Variants in RAPGEF2 observed in about 807,000 individuals in gnomAD.
RAPGEF2 encodes Rap guanine nucleotide exchange factor 2, also known as PDZ domain containing guanine nucleotide exchange factor (GEF) 1.
A neutral mutation model predicts 186.7 loss-of-function variants in RAPGEF2; 54 were observed. The ratio of observed to expected loss-of-function variants is 0.29; its 90% confidence interval spans 0.23 to 0.36. The LOEUF (loss-of-function observed/expected upper bound fraction) is 0.36. Among genes scored for constraint, RAPGEF2 ranks in the 10% least tolerant of loss-of-function variants. The pLI is 1.00. For synonymous variants in RAPGEF2, 712 were observed against 705.9 expected (o/e 1.01, Z -0.14); for missense variants, 1,532 against 2,045.0 (o/e 0.75, Z 4.84).
At chr4:159,352,075 T>C (rs908597793) in intron 26 of RAPGEF2, among the ~76,000 whole-genome samples, 31 of 152,248 alleles carry the variant, frequency 2.0e-4, no homozygotes, top group African/African-American at 6.8e-4. Context: ...TCTATAGTAA[T>C]GATCTTGTGA....
intron 1 of RAPGEF2, among the ~76,000 whole-genome samples, chr4:159,166,330 G>A (rs1745314668): frequency 6.6e-6 from 1 of 152,070 alleles, no homozygotes. Context: ...AAAATGTAAG[G>A]AAAAGGGCAG....
intron 3 of RAPGEF2, among the ~76,000 whole-genome samples, chr4:159,198,291 TTTCTTTCTTTCTTTCTTTCTTTCTTTC>T (rs1748958788): frequency 4.0e-5 from 1 of 25,166 alleles, no homozygotes; most frequent in Non-Finnish European, 7.1e-5. Flanking sequence ...TCTTTCTTTC[TTTCTTTCTTTCTTTCTTTCTTTCTTTC>T]TTTCTTTCTT....
rs565273362 is a variant in RAPGEF2 at position 159,121,807 on chromosome 4, G to T, written c.69+17576G>T. On this transcript the variant is annotated intron_variant, in intron 1 of 29. Transcript: ENST00000691494. Reference sequence around the variant, plus strand: ...GCACTTTGGGAGGCCGAGGCGGGCGGATCACAAGGTCAGGAGTTCGAGACC... The same window carrying T: ...GCACTTTGGGAGGCCGAGGCGGGCGTATCACAAGGTCAGGAGTTCGAGACC... Among the ~76,000 whole-genome samples the T allele has an allele frequency of 6.6e-5, 10 of 151,322 alleles. 1 individual carries two copies. In the South Asian group the frequency reaches 1.9e-3, roughly 29 times the overall value.
intron 4 of RAPGEF2, among the ~76,000 whole-genome samples, chr4:159,236,065 G>A (rs1378722388): frequency 1.3e-5 from 2 of 152,168 alleles, no homozygotes; most frequent in African/African-American, 4.8e-5. Flanking sequence ...AGTAAATGAA[G>A]TAACATATTC....
chr4:159,226,382 A>G (rs1481364264), intron 4 of RAPGEF2, among the ~76,000 whole-genome samples: 1 of 152,164 alleles, frequency 6.6e-6, no homozygotes, highest in Non-Finnish European at 1.5e-5. Context: ...TTCCACCAAT[A>G]CCACATTTGT....
intron 18 of RAPGEF2, 74 bp from the exon 19 acceptor site, chr4:159,339,040 G>T: frequency 2.6e-6 from 4 of 1,517,852 alleles, no homozygotes; most frequent in Admixed American, 2.1e-5. Flanking sequence ...GCTTTTTTCT[G>T]ATTACTTTGC....
At chr4:159,185,241 C>T (rs1747441479) in intron 1 of RAPGEF2, among the ~76,000 whole-genome samples, 1 of 152,132 alleles carries the variant, frequency 6.6e-6, no homozygotes, top group Admixed American at 6.6e-5. Flanking sequence ...GTTGCAGTGA[C>T]TTAGGAAAGC....
intron 1 of RAPGEF2, among the ~76,000 whole-genome samples, chr4:159,168,701 A>G (rs761933513): frequency 6.6e-5 from 10 of 152,220 alleles, no homozygotes; most frequent in Non-Finnish European, 1.0e-4. Flanking sequence ...CTGATGATAC[A>G]TGTAGGATAC....
chr4:159,146,308 T>TA (rs965203659), intron 1 of RAPGEF2, among the ~76,000 whole-genome samples: 2 of 151,762 alleles, frequency 1.3e-5, no homozygotes, highest in Non-Finnish European at 1.5e-5. Context: ...AATTATGCCA[T>TA]AAAAAATCAG....
chr4:159,180,547 G>C (rs532507474), intron 1 of RAPGEF2, among the ~76,000 whole-genome samples: 42 of 152,114 alleles, frequency 2.8e-4, no homozygotes, highest in Admixed American at 4.6e-4. Flanking sequence ...GGCACAGACC[G>C]TTTAAAACAA....
intron 1 of RAPGEF2, among the ~76,000 whole-genome samples, chr4:159,168,241 GGTGA>G (rs1186848376): frequency 1.3e-5 from 2 of 152,094 alleles, no homozygotes; most frequent in African/African-American, 2.4e-5. Flanking sequence ...CTTAAGTCTG[GGTGA>G]GTATGTTGAA....
At position 159,166,454 on chromosome 4, in the gene RAPGEF2, A is replaced by T. The variant is rs79590979; in HGVS notation, c.70-20188A>T. Among the ~76,000 whole-genome samples, 354 of 152,312 alleles carry T rather than the reference A, an allele frequency of 2.3e-3. 1 individual carries two copies. The highest frequency in any genetic ancestry group is 8.3e-3 in the African/African-American group (344 of 41,564). On this transcript the variant is annotated intron_variant, in intron 1 of 29. Coordinates refer to ENST00000691494, the MANE Select transcript of RAPGEF2 (RefSeq NM_001394067.2). ...CTAGAGGAAATGTACTGTTTTGCAG[A>T]TAATAAGTATTGATCAGACATGCAT...
Position 159,343,121 on chromosome 4 carries a change from CA to C in RAPGEF2, c.3065del (p.Asn1022IlefsTer6). ...MAKYRNVLNSQNLQPPIIPLF... is the reference protein window; with the variant it reads ...MAKYRNVLNSXNLQPPIIPLF... ...AAAATATCGTAATGTTCTCAATAGTCAAAATCTACAACCTCCCATAATCCCT... is the reference window on the plus strand; with the variant it reads ...AAAATATCGTAATGTTCTCAATAGTCAAATCTACAACCTCCCATAATCCCT... On this transcript the variant is annotated frameshift_variant, in exon 21 of 30. Coordinates refer to ENST00000691494, the MANE Select transcript of RAPGEF2 (RefSeq NM_001394067.2). LOFTEE classifies it high-confidence loss of function. 6.2e-7 allele frequency: 1 copy of C among 1,614,090 alleles called. No homozygotes were observed. The highest frequency in any genetic ancestry group is 8.5e-7 in the Non-Finnish European group (1 of 1,179,964).
intron 7 of RAPGEF2, among the ~76,000 whole-genome samples, chr4:159,266,578 TAAAA>T (rs530774146): frequency 1.3e-5 from 2 of 150,998 alleles, no homozygotes; most frequent in South Asian, 4.2e-4. Context: ...TTTGGTTTTT[TAAAA>T]AAAAAACCTG....
intron 8 of RAPGEF2, among the ~76,000 whole-genome samples, chr4:159,312,249 CTA>C (rs1414819559): frequency 7.2e-5 from 11 of 151,990 alleles, no homozygotes; most frequent in African/African-American, 2.4e-4. Flanking sequence ...TTTCTTCACT[CTA>C]TGCTAATATT....
At chr4:159,275,632 C>T (rs1016682387) in intron 7 of RAPGEF2, among the ~76,000 whole-genome samples, 5 of 151,996 alleles carry the variant, frequency 3.3e-5, no homozygotes, top group South Asian at 2.1e-4. Context: ...TGAGAATATA[C>T]GCTCTATCTC....
At chr4:159,207,044 T>C (rs1200149993) in intron 3 of RAPGEF2, among the ~76,000 whole-genome samples, 1 of 152,254 alleles carries the variant, frequency 6.6e-6, no homozygotes, top group African/African-American at 2.4e-5. Flanking sequence ...GCCTGGCATG[T>C]GGTAAATGCT....
In RAPGEF2 at chr4:159,303,841, T is replaced by C. The variant is rs146273406; in HGVS notation, c.544-501T>C. Among the ~76,000 whole-genome samples the C allele has an allele frequency of 8.1e-4, 124 of 152,314 alleles. 2 individuals are homozygous for C. The highest frequency in any genetic ancestry group is 7.8e-3 in the Admixed American group (119 of 15,298). On this transcript the variant is annotated intron_variant, in intron 7 of 29. Transcript: ENST00000691494. Reference sequence around the variant, plus strand: ...TAAGATCTTTGATGGCATTCTTTTCTCTTTCTTTGTAGAGCCTAGTACAGT... The same window carrying C: ...TAAGATCTTTGATGGCATTCTTTTCCCTTTCTTTGTAGAGCCTAGTACAGT...
intron 8 of RAPGEF2, 72 bp downstream of exon 8, chr4:159,304,545 T>G: frequency 3.3e-4 from 415 of 1,274,102 alleles, no homozygotes; most frequent in Middle Eastern, 7.8e-4. Flanking sequence ...TCTCAGCTGA[T>G]AGAATCTATA....
Sources: gnomAD v4.1 joint callset for allele counts (sites outside exome capture counted in the v4.1 genomes callset) on GRCh38, gnomAD v4.1.1 for gene constraint, MANE v1.5 for transcripts, NCBI Gene and HGNC (gene_info 2026-07-23, HGNC 2026-07-21) for gene names.